SOX5: variants seen among roughly 807,000 people sequenced by gnomAD.
SOX5 encodes SRY-box transcription factor 5, also known as transcription factor SOX-5.
A neutral mutation model predicts 92.0 loss-of-function variants in SOX5; 9 were observed. That is an observed-to-expected ratio of 0.10 (90% CI 0.06 to 0.17). SOX5 has a LOEUF of 0.17. Among genes scored for constraint, SOX5 ranks in the 10% least tolerant of loss-of-function variants. The pLI is 1.00. For missense variants in SOX5, 642 were observed against 944.5 expected, an observed-to-expected ratio of 0.68 and a Z score of 4.20; for synonymous variants, 344 against 336.3, an observed-to-expected ratio of 1.02 and a Z score of -0.25.
intron 2 of SOX5, among the ~76,000 whole-genome samples, chr12:23,884,412 A>G (rs2097037247): frequency 6.6e-6 from 1 of 152,206 alleles, no homozygotes; most frequent in African/African-American, 2.4e-5. Context: ...GGTTTAACAA[A>G]TAGCCTTTTA....
rs574458639 is a variant in SOX5 at position 24,555,229 on chromosome 12, G to A, written c.-251+7100C>T. 3.9e-5 allele frequency among the ~76,000 whole-genome samples: 6 copies of A among 152,294 alleles called. No homozygotes were observed. The South Asian group carries it at 6.2e-4, about 16-fold the overall frequency. On this transcript the variant is annotated intron_variant, in intron 1 of 4. Coordinates refer to the SOX5 transcript ENST00000446891. ...AAGATAAAATGCAGACTTCCAGTGC[G>A]TTGCTACTCAACTGAATAGAAAGCC... is the stretch of plus-strand genomic sequence containing the variant.
chr12:24,065,171 A>G (rs1008440679), intron 4 of SOX5, among the ~76,000 whole-genome samples: 1 of 152,188 alleles, frequency 6.6e-6, no homozygotes, highest in Non-Finnish European at 1.5e-5. Context: ...GGGCTGGTAG[A>G]GACATTAAGT....
chr12:23,980,753 C>A (rs1018482172), intron 4 of SOX5, among the ~76,000 whole-genome samples: 2 of 152,140 alleles, frequency 1.3e-5, no homozygotes, highest in Non-Finnish European at 2.9e-5. Flanking sequence ...CCCAGAGAAC[C>A]ACATGGCTCA....
chr12:24,219,270 A>T (rs1959818088), intron 3 of SOX5, among the ~76,000 whole-genome samples: 1 of 152,070 alleles, frequency 6.6e-6, no homozygotes, highest in Non-Finnish European at 1.5e-5. Flanking sequence ...GCTCACAATA[A>T]TTTATTATAT....
chr12:23,917,467 C>A (rs1349084524), intron 1 of SOX5, among the ~76,000 whole-genome samples: 1 of 152,080 alleles, frequency 6.6e-6, no homozygotes, highest in African/African-American at 2.4e-5. Flanking sequence ...GCAAGAGAAT[C>A]GCTTGAGCCG....
At chr12:23,853,858 T>A (rs990509859) in intron 2 of SOX5, among the ~76,000 whole-genome samples, 2 of 152,088 alleles carry the variant, frequency 1.3e-5, no homozygotes, top group Non-Finnish European at 2.9e-5. Context: ...GATGATCTCT[T>A]CCCTGAGTGA....
chr12:23,869,484 CTT>C (rs1262507839), intron 2 of SOX5, among the ~76,000 whole-genome samples: 1 of 152,042 alleles, frequency 6.6e-6, no homozygotes, highest in East Asian at 1.9e-4. Context: ...CATTTCTACC[CTT>C]TCACTGAAAC....
At chr12:24,462,867 T>G (rs1943796156) in intron 1 of SOX5, among the ~76,000 whole-genome samples, 1 of 152,196 alleles carries the variant, frequency 6.6e-6, no homozygotes. Flanking sequence ...AACAGAACTC[T>G]CCCCACCTCC....
At chr12:24,019,688 C>T (rs1436707338) in intron 4 of SOX5, among the ~76,000 whole-genome samples, 1 of 152,162 alleles carries the variant, frequency 6.6e-6, no homozygotes, top group Non-Finnish European at 1.5e-5. Flanking sequence ...CACAAAGATC[C>T]TCACAAGTTC....
chr12:24,055,747 GA>G (rs908235751), intron 4 of SOX5, among the ~76,000 whole-genome samples: 5 of 151,514 alleles, frequency 3.3e-5, no homozygotes, highest in Admixed American at 6.6e-5. Flanking sequence ...ACAATGAAAA[GA>G]AAAAAAAGTA....
At chr12:24,358,475 T>C (rs1342524062) in intron 2 of SOX5, among the ~76,000 whole-genome samples, 1 of 152,040 alleles carries the variant, frequency 6.6e-6, no homozygotes, top group Admixed American at 6.6e-5. Flanking sequence ...AAAAAAATTG[T>C]CCTTTCGGCG....
At chr12:24,084,697 C>T (rs1943753502) in intron 4 of SOX5, among the ~76,000 whole-genome samples, 1 of 151,972 alleles carries the variant, frequency 6.6e-6, no homozygotes, top group Non-Finnish European at 1.5e-5. Flanking sequence ...AAAAGTGGTG[C>T]TCCTCATGCA....
At chr12:23,784,868 G>C (rs2095351287) in intron 3 of SOX5, among the ~76,000 whole-genome samples, 1 of 152,118 alleles carries the variant, frequency 6.6e-6, no homozygotes, top group Admixed American at 6.5e-5. Flanking sequence ...CTTGAGCTCG[G>C]GAGTTCAAGG....
chr12:23,912,220 T>C (rs997712063), intron 1 of SOX5, among the ~76,000 whole-genome samples: 6 of 152,214 alleles, frequency 3.9e-5, no homozygotes, highest in African/African-American at 7.2e-5. Flanking sequence ...CCAGAAGATA[T>C]ACAAATGATC....
Position 23,654,101 on chromosome 12 carries a change from G to A in SOX5, c.931+11343C>T, listed in dbSNP as rs575612861. 9.9e-5 allele frequency among the ~76,000 whole-genome samples: 15 copies of A among 152,028 alleles called. No individual in the cohort carries two copies. The South Asian group carries it at 2.1e-3, about 21-fold the overall frequency. Reference sequence around the variant, plus strand: ...AAATAAGTATTAGTTTTTTGTGCACGGTTTAATTCAAACAAATACTTTGTT... The same window carrying A: ...AAATAAGTATTAGTTTTTTGTGCACAGTTTAATTCAAACAAATACTTTGTT... On this transcript the variant is annotated intron_variant, in intron 7 of 14. Transcript: ENST00000451604.
At chr12:24,317,404 G>A (rs928847009) in intron 2 of SOX5, among the ~76,000 whole-genome samples, 5 of 152,106 alleles carry the variant, frequency 3.3e-5, no homozygotes, top group Non-Finnish European at 7.4e-5. Context: ...CTAGTAACAG[G>A]AAAGTTTTCT....
chr12:23,541,261 TA>T (rs1941982450), intron 13 of SOX5, among the ~76,000 whole-genome samples: 1 of 152,156 alleles, frequency 6.6e-6, no homozygotes, highest in African/African-American at 2.4e-5. Context: ...CTCTTATAGT[TA>T]AGATAGTTTT....
chr12:24,314,331 C>A (rs1034012437), intron 2 of SOX5, among the ~76,000 whole-genome samples: 1 of 140,220 alleles, frequency 7.1e-6, no homozygotes, highest in Non-Finnish European at 1.5e-5. Context: ...ATGTGCCACA[C>A]AGGAAGGGGA....
At chr12:24,162,389 A>C (rs1348498346) in intron 4 of SOX5, among the ~76,000 whole-genome samples, 1 of 152,132 alleles carries the variant, frequency 6.6e-6, no homozygotes, top group Non-Finnish European at 1.5e-5. Flanking sequence ...AATGACTCCT[A>C]AGTAAGTCTG....
Sources: gnomAD v4.1 joint callset for allele counts (sites outside exome capture counted in the v4.1 genomes callset) on GRCh38, gnomAD v4.1.1 for gene constraint, MANE v1.5 for transcripts, NCBI Gene and HGNC (gene_info 2026-07-23, HGNC 2026-07-21) for gene names.